ST8SIA2: variants seen among roughly 807,000 people sequenced by gnomAD.
ST8SIA2 encodes the protein ST8 alpha-N-acetyl-neuraminide alpha-2,8-sialyltransferase 2, also known as alpha-2,8-sialyltransferase 8B.
ST8SIA2 carries 22 observed loss-of-function variants against 37.6 expected under a neutral mutation model. That is an observed-to-expected ratio of 0.58 (90% CI 0.42 to 0.83). The LOEUF is 0.83. ST8SIA2 is among the 40% of genes least tolerant of loss of function. The probability of loss-of-function intolerance (pLI) is 0.00; values close to 1 mark genes in which losing one functional copy is unlikely to be tolerated. For synonymous variants in ST8SIA2, 205 were observed against 201.2 expected, an observed-to-expected ratio of 1.02 and a Z score of -0.16; for missense variants, 382 against 484.7, an observed-to-expected ratio of 0.79 and a Z score of 1.99.
intron 1 of ST8SIA2, 145 bp from the exon 2 acceptor site, chr15:92,429,904 A>G (rs543292735): frequency 7.0e-6 from 6 of 851,296 alleles, no homozygotes; most frequent in African/African-American, 6.7e-5. Flanking sequence ...TGGGGCCAGG[A>G]CTTTGCCCAT....
chr15:92,408,849 G>T (rs918209750), intron 1 of ST8SIA2, among the ~76,000 whole-genome samples: 1 of 152,048 alleles, frequency 6.6e-6, no homozygotes, highest in South Asian at 2.1e-4. Context: ...GGGATTACAG[G>T]TGTGCGCCAC....
chr15:92,416,444 G>A (rs1364624215), intron 1 of ST8SIA2, among the ~76,000 whole-genome samples: 3 of 152,130 alleles, frequency 2.0e-5, no homozygotes, highest in African/African-American at 7.2e-5. Flanking sequence ...AGGGACAATG[G>A]AAGCAGGGTT....
At chr15:92,458,712 G>A (rs963311188) in intron 5 of ST8SIA2, among the ~76,000 whole-genome samples, 1 of 152,192 alleles carries the variant, frequency 6.6e-6, no homozygotes, top group Non-Finnish European at 1.5e-5. Context: ...CTGGAGCCAG[G>A]GAAGGACACT....
intron 1 of ST8SIA2, among the ~76,000 whole-genome samples, chr15:92,411,943 G>A (rs2049552314): frequency 1.3e-5 from 2 of 152,192 alleles, no homozygotes; most frequent in African/African-American, 2.4e-5. Context: ...CCATGCAGAA[G>A]GGCAGTGAGG....
At chr15:92,431,972 C>G (rs1372957892) in intron 2 of ST8SIA2, among the ~76,000 whole-genome samples, 2 of 152,186 alleles carry the variant, frequency 1.3e-5, no homozygotes, top group African/African-American at 4.8e-5. Flanking sequence ...CCTTTGCCAT[C>G]TTGTGTCCAG....
At chr15:92,430,250 T>C in intron 2 of ST8SIA2, 139 bp downstream of exon 2, 2 of 875,022 alleles carry the variant, frequency 2.3e-6, no homozygotes, top group East Asian at 2.7e-5. Context: ...ATTTCCCTAA[T>C]CACTTTTGGG....
At chr15:92,456,858 T>G (rs1471427472) in intron 5 of ST8SIA2, among the ~76,000 whole-genome samples, 1 of 152,196 alleles carries the variant, frequency 6.6e-6, no homozygotes, top group African/African-American at 2.4e-5. Flanking sequence ...CCTGGCTTAC[T>G]TGAGCAAGAG....
intron 1 of ST8SIA2, among the ~76,000 whole-genome samples, chr15:92,425,490 T>C (rs193024802): frequency 6.6e-6 from 1 of 152,352 alleles, no homozygotes; most frequent in Admixed American, 6.5e-5. Context: ...CAAGACAGGC[T>C]TCTATTCTGT....
intron 3 of ST8SIA2, among the ~76,000 whole-genome samples, chr15:92,435,636 G>A (rs181504398): frequency 1.3e-5 from 2 of 152,274 alleles, no homozygotes; most frequent in African/African-American, 2.4e-5. Flanking sequence ...TTTGGGACCT[G>A]TGCAGGGCTG....
intron 1 of ST8SIA2, among the ~76,000 whole-genome samples, chr15:92,418,022 C>T (rs2049600602): frequency 6.6e-6 from 1 of 152,148 alleles, no homozygotes. Context: ...CCACTTTCTG[C>T]AGGCATAGGA....
chr15:92,465,665 C>T lies in ST8SIA2; in HGVS notation c.*1280C>T, dbSNP rs1021220476. 3.3e-5 allele frequency: 5 copies of T among 152,078 alleles called. No individual in the cohort carries two copies. The highest frequency in any genetic ancestry group is 1.2e-4 in the African/African-American group (5 of 41,394). 9.4% of individuals were successfully genotyped at this position (152,078 alleles called of 1,614,324 possible). A position where few individuals can be genotyped will look rare whatever the true frequency, so the allele number is the denominator to read the frequency against. ...TTTTCATCTCTGCAGGGAGAGGTTC[C>T]AATGTCCACCCCACCCCCAGGTACC... is the stretch of plus-strand genomic sequence containing the variant. On this transcript the variant is annotated 3_prime_UTR_variant, in exon 6 of 6. Coordinates refer to ENST00000268164, the MANE Select transcript of ST8SIA2 (RefSeq NM_006011.4).
In ST8SIA2 at chr15:92,467,219, CCT is replaced by C. The variant is rs1438750907; in HGVS notation, c.*2835_*2836del. The C allele has an allele frequency of 6.5e-6, 1 of 153,274 alleles. No individual in the cohort carries two copies. Among genetic ancestry groups the C allele is most frequent in the African/African-American group, 2.4e-5 (1 of 41,460 alleles). The allele number at this position is 153,274 out of a possible 1,614,324, so 9.5% of individuals were successfully genotyped here. ...TACCCTGAAAATCTCTTCTCCTTCCCCTTTCTGAGAAACGTCATCCCCACCAG... is the reference window on the plus strand; with the variant it reads ...TACCCTGAAAATCTCTTCTCCTTCCCTTCTGAGAAACGTCATCCCCACCAG... On this transcript the variant is annotated 3_prime_UTR_variant, in exon 6 of 6. Transcript: ENST00000268164.
At chr15:92,399,558 G>A (rs1286121477) in intron 1 of ST8SIA2, among the ~76,000 whole-genome samples, 1 of 152,176 alleles carries the variant, frequency 6.6e-6, no homozygotes, top group South Asian at 2.1e-4. Flanking sequence ...TTGCAGTCCA[G>A]GCACTCTGTA....
At chr15:92,417,304 C>T (rs2049594284) in intron 1 of ST8SIA2, among the ~76,000 whole-genome samples, 1 of 152,176 alleles carries the variant, frequency 6.6e-6, no homozygotes, top group African/African-American at 2.4e-5. Flanking sequence ...GAGGAAGTGG[C>T]CGTTGCCTTA....
At chr15:92,456,042 G>A (rs537627618) in intron 5 of ST8SIA2, among the ~76,000 whole-genome samples, 9 of 152,342 alleles carry the variant, frequency 5.9e-5, no homozygotes, top group East Asian at 1.9e-4. Flanking sequence ...GAGTGGCATC[G>A]ATTGAAACTC....
chr15:92,440,057 G>A (rs2049790215), intron 4 of ST8SIA2, among the ~76,000 whole-genome samples: 1 of 152,172 alleles, frequency 6.6e-6, no homozygotes, highest in Non-Finnish European at 1.5e-5. Flanking sequence ...ATGAAGTCCT[G>A]ACCCAGGAAT....
intron 5 of ST8SIA2, among the ~76,000 whole-genome samples, chr15:92,459,787 C>T (rs1437626491): frequency 1.5e-4 from 23 of 152,132 alleles, no homozygotes; most frequent in Admixed American, 6.5e-5. Flanking sequence ...TTAGTAGAGA[C>T]GGGGTTTCAC....
rs2049437023 is a variant in ST8SIA2, at chr15:92,397,008, G to A, written c.98+2846G>A. ...TCCATCCCCAACTCACTCCGGACCT[G>A]TGCTAGGGAGGATTACAGATGATCT... On this transcript the variant is annotated intron_variant, in intron 1 of 5. Coordinates refer to ENST00000268164, the MANE Select transcript of ST8SIA2 (RefSeq NM_006011.4). Among the ~76,000 whole-genome samples, 3 of 152,176 alleles carry A rather than the reference G, an allele frequency of 2.0e-5. 1 individual carries two copies. Among genetic ancestry groups the A allele is most frequent in the Non-Finnish European group, 4.4e-5 (3 of 68,036 alleles).
intron 1 of ST8SIA2, among the ~76,000 whole-genome samples, chr15:92,403,121 A>G (rs2049483712): frequency 1.3e-5 from 2 of 152,126 alleles, no homozygotes; most frequent in Admixed American, 1.3e-4. Context: ...CTGAGAGCTC[A>G]CATGTATCAC....
Sources: gnomAD v4.1 joint callset for allele counts (sites outside exome capture counted in the v4.1 genomes callset) on GRCh38, gnomAD v4.1.1 for gene constraint, MANE v1.5 for transcripts, NCBI Gene and HGNC (gene_info 2026-07-23, HGNC 2026-07-21) for gene names.